The following UNC5D variants were observed in gnomAD, a reference collection of about 807,000 sequenced individuals.
The protein encoded by UNC5D is netrin receptor UNC5D.
Under a neutral mutation model 105.4 loss-of-function variants are expected in UNC5D, and 39 were observed. The ratio of observed to expected loss-of-function variants is 0.37; its 90% CI spans 0.29 to 0.48. The LOEUF (loss-of-function observed/expected upper bound fraction) is 0.48, where lower values mean the gene tolerates loss of function less well. Ranked by LOEUF, UNC5D falls within the 20% of genes least tolerant of loss-of-function variation. The probability of loss-of-function intolerance (pLI) is 0.98; values close to 1 mark genes in which losing one functional copy is unlikely to be tolerated. For synonymous variants in UNC5D, 452 were observed against 450.4 expected (o/e 1.00, Z -0.04); for missense variants, 991 against 1,202.4 (o/e 0.82, Z 2.60).
chr8:35,374,453 A>G (rs1444938750), intron 1 of UNC5D, among the ~76,000 whole-genome samples: 2 of 152,232 alleles, frequency 1.3e-5, no homozygotes, highest in African/African-American at 4.8e-5. Context: ...CAATGTACAG[A>G]TTAAAGCATG....
intron 1 of UNC5D, among the ~76,000 whole-genome samples, chr8:35,506,514 C>T (rs1358838276): frequency 1.3e-5 from 2 of 152,092 alleles, no homozygotes; most frequent in East Asian, 3.9e-4. Context: ...ACTAGAGGAC[C>T]AGGTATAATC....
chr8:35,761,652 C>T (rs1801539751), intron 14 of UNC5D, among the ~76,000 whole-genome samples: 1 of 152,170 alleles, frequency 6.6e-6, no homozygotes, highest in African/African-American at 2.4e-5. Context: ...AGGAGGCTTG[C>T]CACTGAGTTT....
At chr8:35,382,359 A>G (rs1378315249) in intron 1 of UNC5D, among the ~76,000 whole-genome samples, 2 of 152,336 alleles carry the variant, frequency 1.3e-5, no homozygotes, top group East Asian at 1.9e-4. Context: ...TAGCCAAAGA[A>G]GAAAAGAACA....
intron 1 of UNC5D, among the ~76,000 whole-genome samples, chr8:35,423,197 T>C (rs527832965): frequency 1.3e-5 from 2 of 152,318 alleles, no homozygotes; most frequent in East Asian, 1.9e-4. Flanking sequence ...ACAGAGAACA[T>C]GGTTGTGTTG....
At chr8:35,737,150 G>A (rs970751011) in intron 11 of UNC5D, among the ~76,000 whole-genome samples, 3 of 151,896 alleles carry the variant, frequency 2.0e-5, no homozygotes, top group Non-Finnish European at 4.4e-5. Flanking sequence ...GAGTGCCCTC[G>A]TCTCTAGATT....
chr8:35,636,396 C>T (rs1005724398), intron 4 of UNC5D, among the ~76,000 whole-genome samples: 15 of 152,126 alleles, frequency 9.9e-5, no homozygotes, highest in African/African-American at 3.6e-4. Flanking sequence ...CGGAGGCTAT[C>T]CTGTGAATTA....
chr8:35,256,461 TC>T (rs1340362545), intron 1 of UNC5D: 1 of 152,148 alleles, frequency 6.6e-6, no homozygotes, highest in Non-Finnish European at 1.5e-5. Flanking sequence ...ATGCTATCCC[TC>T]CCATAGCCCC....
At chr8:35,541,056 G>A (rs1014390148) in intron 1 of UNC5D, among the ~76,000 whole-genome samples, 1 of 152,156 alleles carries the variant, frequency 6.6e-6, no homozygotes, top group Non-Finnish European at 1.5e-5. Flanking sequence ...TGTTAGAATT[G>A]CTAAGGGACA....
chr8:35,450,644 A>G (rs561906132), intron 1 of UNC5D, among the ~76,000 whole-genome samples: 1 of 152,270 alleles, frequency 6.6e-6, no homozygotes, highest in East Asian at 1.9e-4. Context: ...ATTATTTCTG[A>G]CGGTAATCTG....
chr8:35,468,085 T>G (rs192821097), intron 1 of UNC5D, among the ~76,000 whole-genome samples: 1 of 152,218 alleles, frequency 6.6e-6, no homozygotes, highest in Non-Finnish European at 1.5e-5. Flanking sequence ...GCTTTTACTA[T>G]GAATTAGATA....
intron 3 of UNC5D, among the ~76,000 whole-genome samples, chr8:35,589,316 T>C (rs965824713): frequency 6.6e-6 from 1 of 152,062 alleles, no homozygotes; most frequent in African/African-American, 2.4e-5. Context: ...TAACCACCCC[T>C]ATATTATTAA....
At chr8:35,664,256 T>A (rs1438915239) in intron 4 of UNC5D, among the ~76,000 whole-genome samples, 5 of 152,188 alleles carry the variant, frequency 3.3e-5, no homozygotes, top group Non-Finnish European at 7.3e-5. Context: ...ATTCTACAGA[T>A]CCTGGGGTAA....
Position 35,792,685 on chromosome 8 carries a change from A to C in UNC5D, c.*2122A>C, listed in dbSNP as rs1803095850. On this transcript the variant is annotated 3_prime_UTR_variant, in exon 17 of 17. Transcript: ENST00000404895. ...AAGCTGCATTCACTATTGAGTAAAA[A>C]CTTGTAGAAAGCACATTATAGAGCT... The C allele has an allele frequency of 5.1e-6, 1 of 195,388 alleles. No homozygotes were observed. The highest frequency in any genetic ancestry group is 8.7e-5 in the South Asian group (1 of 11,434). 12.1% of individuals were successfully genotyped at this position (195,388 alleles called of 1,614,324 possible). A position where few individuals can be genotyped will look rare whatever the true frequency, so the allele number is the denominator to read the frequency against.
chr8:35,613,344 G>A (rs1820816104), intron 4 of UNC5D, among the ~76,000 whole-genome samples: 1 of 152,166 alleles, frequency 6.6e-6, no homozygotes, highest in African/African-American at 2.4e-5. Context: ...CCAAGTGCTG[G>A]GATTAGAGAC....
At chr8:35,268,934 T>G (rs565376119) in intron 1 of UNC5D, among the ~76,000 whole-genome samples, 2 of 152,286 alleles carry the variant, frequency 1.3e-5, no homozygotes, top group South Asian at 4.1e-4. Context: ...AATTATTCAG[T>G]GACCAAAGTT....
Position 35,767,043 on chromosome 8 carries a change from C to G in UNC5D, c.2455C>G (p.Gln819Glu), listed in dbSNP as rs535003701. ...RQLKGHEQILQVQTSILESER... is the reference protein window; with the variant it reads ...RQLKGHEQILEVQTSILESER... ...GCTCAAAGGCCATGAACAGATCCTCCAAGTGCAGACATCAATCCTAGAGGT... is the reference window on the plus strand; with the variant it reads ...GCTCAAAGGCCATGAACAGATCCTCGAAGTGCAGACATCAATCCTAGAGGT... The change falls in exon 15 of 17, where the codon CAA (glutamine) becomes GAA (glutamate). Residue 819 changes from glutamine (Q) to glutamate (E), a missense_variant. Physicochemically the swap from Gln to Glu is conservative, Grantham distance 29. Around this residue, in one of 3 missense-constraint regions of UNC5D, gnomAD observed 944 missense variants for 1,131.6 expected, o/e 0.83. Coordinates refer to ENST00000404895, the MANE Select transcript of UNC5D (RefSeq NM_080872.4). 2.5e-6 allele frequency: 4 copies of G among 1,613,518 alleles called. No homozygotes were observed. The East Asian group carries it at 8.9e-5, about 36-fold the overall frequency.
At chr8:35,428,668 G>T (rs1806421753) in intron 1 of UNC5D, among the ~76,000 whole-genome samples, 1 of 151,924 alleles carries the variant, frequency 6.6e-6, no homozygotes. Flanking sequence ...TTCACAATGG[G>T]TACCTGAGAT....
chr8:35,593,085 AC>A (rs1819276230), intron 3 of UNC5D, among the ~76,000 whole-genome samples: 1 of 151,400 alleles, frequency 6.6e-6, no homozygotes, highest in South Asian at 2.1e-4. Context: ...ACACACACAC[AC>A]AAATATGTAA....
intron 11 of UNC5D, among the ~76,000 whole-genome samples, chr8:35,736,768 A>G (rs535781094): frequency 1.3e-5 from 2 of 152,350 alleles, no homozygotes; most frequent in East Asian, 1.9e-4. Flanking sequence ...AGAGGTATAA[A>G]TAGCATCACA....
Sources: allele counts gnomAD v4.1 joint callset (sites outside exome capture counted in the v4.1 genomes callset), GRCh38; gene constraint gnomAD v4.1.1; regional missense constraint gnomAD v4.1.1; transcripts MANE v1.5; gene names NCBI Gene and HGNC (gene_info 2026-07-23, HGNC 2026-07-21).